Variants in RBFOX1 observed in about 807,000 individuals in gnomAD.
RBFOX1 encodes the protein RNA binding fox-1 homolog 1.
Under a neutral mutation model 57.7 loss-of-function variants are expected in RBFOX1, and 8 were observed. The observed-to-expected ratio is 0.14, with a 90% CI of 0.08 to 0.25. The LOEUF is 0.25. Ranked by LOEUF, RBFOX1 falls within the 10% of genes least tolerant of loss-of-function variation. RBFOX1 has a pLI of 1.00. For synonymous variants in RBFOX1, 326 were observed against 222.4 expected, an observed-to-expected ratio of 1.47 and a Z score of -4.15; for missense variants, 611 against 548.5, an observed-to-expected ratio of 1.11 and a Z score of -1.14.
At chr16:6,613,081 C>T (rs1214875179) in intron 2 of RBFOX1, among the ~76,000 whole-genome samples, 1 of 150,966 alleles carries the variant, frequency 6.6e-6, no homozygotes, top group Non-Finnish European at 1.5e-5. Context: ...AGGATAAATA[C>T]TGTGGTACAG....
chr16:5,633,744 C>T lies in RBFOX1; in HGVS notation c.318+34783C>T, dbSNP rs150752589. ...CAAAAATTAGCCGGGCGTCGTGGTG[C>T]ATGCCTGTAATCGCAGCTGCTCAGG... On this transcript the variant is annotated intron_variant, in intron 3 of 19. Transcript: ENST00000641259. Among the ~76,000 whole-genome samples the T allele has an allele frequency of 5.1e-3, 781 of 151,786 alleles. 4 individuals carry two copies. The highest frequency in any genetic ancestry group is 0.018 in the African/African-American group (747 of 41,348).
At position 6,019,224 on chromosome 16, in the gene RBFOX1, C is replaced by A; in HGVS notation, c.-895C>A. On this transcript the variant is annotated 5_prime_UTR_variant, in exon 1 of 16. Coordinates refer to ENST00000550418, the MANE Select transcript of RBFOX1 (RefSeq NM_018723.4). The surrounding 1 kb of genome is among the most constrained non-coding windows in gnomAD (Gnocchi z 4.2). ...CCCTCCTACAAGCGCTCTTGCTGGC[C>A]GTCTGGGTGCACACACCGCTCCCTC... The A allele has an allele frequency of 1.1e-5, 11 of 985,196 alleles. No homozygotes were observed. Among genetic ancestry groups the A allele is most frequent in the Non-Finnish European group, 1.3e-5 (11 of 829,988 alleles). 61.0% of individuals were successfully genotyped at this position (985,196 alleles called of 1,614,324 possible). A position where few individuals can be genotyped will look rare whatever the true frequency, so the allele number is the denominator to read the frequency against.
At chr16:7,169,890 G>A (rs1165721087) in intron 4 of RBFOX1, among the ~76,000 whole-genome samples, 1 of 151,976 alleles carries the variant, frequency 6.6e-6, no homozygotes, top group Non-Finnish European at 1.5e-5. Flanking sequence ...TGGCAACGTG[G>A]CAAGACCCTA....
intron 2 of RBFOX1, among the ~76,000 whole-genome samples, chr16:6,638,021 A>G (rs8056938): frequency 0.41 from 62,032 of 151,748 alleles, 14,869 homozygotes; most frequent in Middle Eastern, 0.59. Flanking sequence ...GACATGTTTG[A>G]CTGAAGTATC....
intron 2 of RBFOX1, among the ~76,000 whole-genome samples, chr16:6,640,195 A>T (rs550530247): frequency 3.3e-5 from 5 of 152,278 alleles, no homozygotes; most frequent in African/African-American, 1.2e-4. Flanking sequence ...TTTTCTCTCA[A>T]ATATTATGGT....
At chr16:6,158,825 A>C (rs1411878779) in intron 1 of RBFOX1, among the ~76,000 whole-genome samples, 2 of 152,250 alleles carry the variant, frequency 1.3e-5, no homozygotes, top group African/African-American at 4.8e-5. Context: ...TTTGAATTCT[A>C]AGAGAGAATA....
intron 1 of RBFOX1, among the ~76,000 whole-genome samples, chr16:5,261,839 C>T (rs1295977377): frequency 2.0e-5 from 3 of 152,260 alleles, no homozygotes; most frequent in South Asian, 2.1e-4. Flanking sequence ...TGTGAGCCAC[C>T]GTATAAGCCC....
intron 2 of RBFOX1, among the ~76,000 whole-genome samples, chr16:5,560,373 A>T (rs2045848835): frequency 6.6e-6 from 1 of 152,124 alleles, no homozygotes; most frequent in Non-Finnish European, 1.5e-5. Context: ...TCCAGGAAGC[A>T]CTAAATCACC....
intron 4 of RBFOX1, among the ~76,000 whole-genome samples, chr16:7,482,886 TGA>T (rs1270576556): frequency 1.3e-5 from 2 of 152,154 alleles, no homozygotes; most frequent in African/African-American, 4.8e-5. Flanking sequence ...AAGCAAAGAC[TGA>T]GAGGGGGGCA....
At chr16:5,944,951 C>G (rs2059367272) in intron 4 of RBFOX1, among the ~76,000 whole-genome samples, 3 of 104,250 alleles carry the variant, frequency 2.9e-5, no homozygotes, top group Admixed American at 3.0e-4. Context: ...GGAGACAGAG[C>G]AAGACTCTGT....
chr16:5,536,254 T>C (rs2044693413), intron 2 of RBFOX1, among the ~76,000 whole-genome samples: 2 of 124,038 alleles, frequency 1.6e-5, no homozygotes, highest in South Asian at 3.0e-4. Context: ...TTTTTTTTTT[T>C]AGATGGAGTC....
intron 4 of RBFOX1, among the ~76,000 whole-genome samples, chr16:7,301,298 G>C (rs947727899): frequency 2.0e-5 from 3 of 152,218 alleles, no homozygotes; most frequent in Non-Finnish European, 2.9e-5. Flanking sequence ...ACTTGTCCCT[G>C]TGTGTGATTG....
intron 3 of RBFOX1, among the ~76,000 whole-genome samples, chr16:6,935,525 A>G (rs765939389): frequency 2.0e-5 from 3 of 152,216 alleles, no homozygotes; most frequent in African/African-American, 4.8e-5. Flanking sequence ...ATGGCAATAG[A>G]TAACTCACAC....
intron 1 of RBFOX1, among the ~76,000 whole-genome samples, chr16:5,271,243 A>G (rs2062998405): frequency 6.6e-6 from 1 of 152,028 alleles, no homozygotes. Context: ...AGTCTCAGCT[A>G]CTCTGAAGGC....
intron 4 of RBFOX1, among the ~76,000 whole-genome samples, chr16:7,340,481 G>A (rs961099055): frequency 6.6e-6 from 1 of 152,182 alleles, no homozygotes; most frequent in African/African-American, 2.4e-5. Context: ...ACTAATTACA[G>A]TCATGTCTTC....
intron 2 of RBFOX1, among the ~76,000 whole-genome samples, chr16:6,595,346 A>G (rs2097766825): frequency 6.6e-6 from 1 of 152,214 alleles, no homozygotes; most frequent in South Asian, 2.1e-4. Context: ...TTTACTAAGC[A>G]TAATGTTTTC....
intron 3 of RBFOX1, among the ~76,000 whole-genome samples, chr16:7,006,660 C>T (rs11641252): frequency 5.3e-5 from 8 of 152,170 alleles, no homozygotes; most frequent in East Asian, 1.9e-4. Flanking sequence ...GATGCTCATT[C>T]TGATCTTGAA....
At chr16:7,101,408 C>T (rs1388486677) in intron 4 of RBFOX1, among the ~76,000 whole-genome samples, 1 of 152,104 alleles carries the variant, frequency 6.6e-6, no homozygotes, top group Non-Finnish European at 1.5e-5. Flanking sequence ...GATTTCGTTC[C>T]AGAGTCTTGG....
intron 2 of RBFOX1, among the ~76,000 whole-genome samples, chr16:6,535,073 T>G (rs1476975): frequency 0.99 from 150,493 of 152,300 alleles, 74,387 homozygotes; most frequent in Middle Eastern, 1. Flanking sequence ...AAAGCCAGGT[T>G]GGGACCATGG....
Sources: allele counts gnomAD v4.1 joint callset (sites outside exome capture counted in the v4.1 genomes callset), GRCh38; gene constraint gnomAD v4.1.1; non-coding constraint Gnocchi (gnomAD v3.1); transcripts MANE v1.5; gene names NCBI Gene and HGNC (gene_info 2026-07-23, HGNC 2026-07-21).